DOK3: variants seen among roughly 807,000 people sequenced by gnomAD.
DOK3 encodes docking protein 3.
A neutral mutation model predicts 26.2 loss-of-function variants in DOK3; 23 were observed. The ratio of observed to expected loss-of-function variants is 0.88; its 90% CI spans 0.63 to 1.24. The LOEUF (loss-of-function observed/expected upper bound fraction) is 1.24, where lower values mean the gene tolerates loss of function less well. Ranked by LOEUF, DOK3 falls within the 50% of genes most tolerant of loss-of-function variation. DOK3 has a pLI of 0.00. For missense variants in DOK3, 619 were observed against 610.6 expected (o/e 1.01, Z -0.15); for synonymous variants, 268 against 268.2 (o/e 1.00, Z 0.01).
chr5:177,507,878 C>G (rs1418499602), intron 3 of DOK3, among the ~76,000 whole-genome samples: 1 of 152,190 alleles, frequency 6.6e-6, no homozygotes, highest in African/African-American at 2.4e-5. Flanking sequence ...TTCTTTCTGC[C>G]CTTAAACACC....
In DOK3 at chr5:177,503,146, T is replaced by G. The variant is rs768590873; in HGVS notation, c.*837A>C. 1.7e-5 allele frequency: 27 copies of G among 1,543,656 alleles called. No homozygotes were observed. The highest frequency in any genetic ancestry group is 2.3e-5 in the Non-Finnish European group (26 of 1,144,396). ...GACGCTTGCGTGCGTGGCTGGCTCC[T>G]AGGATGGCGCCAGGAGCAGGAGCAG... On this transcript the variant is annotated 3_prime_UTR_variant, in exon 6 of 6. Transcript: ENST00000510898.
Position 177,502,898 on chromosome 5 carries a change from C to T in DOK3, c.*1085G>A, listed in dbSNP as rs1759492652. 1.5e-6 allele frequency: 1 copy of T among 666,528 alleles called. No individual in the cohort carries two copies. Among genetic ancestry groups the T allele is most frequent in the East Asian group, 2.8e-5 (1 of 36,346 alleles). The allele number at this position is 666,528 out of a possible 1,614,324, so 41.3% of individuals were successfully genotyped here. ...GATGGTGGGCAGAGGCCTCGAAGAGCCAGAAAAGGGTCCCTGCAGGTCGAC... is the reference window on the plus strand; with the variant it reads ...GATGGTGGGCAGAGGCCTCGAAGAGTCAGAAAAGGGTCCCTGCAGGTCGAC... On this transcript the variant is annotated 3_prime_UTR_variant, in exon 6 of 6. Coordinates refer to ENST00000510898, the MANE Select transcript of DOK3 (RefSeq NM_001308236.3).
chr5:177,505,204 ATCCAGGGGCCTGGGC>A, intron 3 of DOK3, 94 bp from the exon 4 acceptor site: 1 of 1,163,468 alleles, frequency 8.6e-7, no homozygotes, highest in Non-Finnish European at 1.2e-6. Flanking sequence ...GCCAGGGGGC[ATCCAGGGGCCTGGGC>A]TCCAGTTCCA....
intron 4 of DOK3, 38 bp downstream of exon 4, chr5:177,504,973 G>C (rs376267773): frequency 2.2e-5 from 35 of 1,587,034 alleles, no homozygotes; most frequent in Admixed American, 1.8e-5. Context: ...CCCTGGGTGT[G>C]GGGGGCTGAG....
rs1760714201 is a variant in DOK3, at chr5:177,509,633, T to C, written c.-93A>G. On this transcript the variant is annotated 5_prime_UTR_variant, in exon 2 of 6. Transcript: ENST00000510898. ...TCCTCACACTTCCCCTTCTGGCCAC[T>C]TCCCGTCCCTCCGTCTAGAGACAGC... is the stretch of plus-strand genomic sequence containing the variant. 1.3e-6 allele frequency: 2 copies of C among 1,589,302 alleles called. No individual in the cohort carries two copies. Among genetic ancestry groups the C allele is most frequent in the Admixed American group, 3.4e-5 (2 of 58,396 alleles).
At chr5:177,505,239 G>T in intron 3 of DOK3, 129 bp from the exon 4 acceptor site, 1 of 810,822 alleles carries the variant, frequency 1.2e-6, no homozygotes, top group Non-Finnish European at 1.9e-6. Flanking sequence ...AGCTTTGCCC[G>T]GCTCGCTGCA....
At chr5:177,510,251 C>G (rs1361797418), upstream of DOK3, 2 of 288,922 alleles carry the variant, frequency 6.9e-6, no homozygotes, top group African/African-American at 4.3e-5. Flanking sequence ...CCCTCCAGGG[C>G]CCCCTCACCA....
rs761194507 is a variant in DOK3, at chr5:177,509,669, G to T, written c.-117-12C>A. Reference sequence around the variant, plus strand: ...CCGTCTAGAGACAGCTGCAGGCCGGGGGGAGGGGAGCCTGTCTTCAGCTCA... The same window carrying T: ...CCGTCTAGAGACAGCTGCAGGCCGGTGGGAGGGGAGCCTGTCTTCAGCTCA... On this transcript the variant is annotated splice_polypyrimidine_tract_variant and intron_variant, in intron 1 of 5. Transcript: ENST00000510898. 15 of 1,591,542 alleles carry T rather than the reference G, an allele frequency of 9.4e-6. No homozygotes were observed. The highest frequency in any genetic ancestry group is 5.4e-5 in the African/African-American group (4 of 74,546).
At chr5:177,505,959 C>A (rs563218276) in intron 3 of DOK3, among the ~76,000 whole-genome samples, 3 of 151,538 alleles carry the variant, frequency 2.0e-5, no homozygotes, top group Non-Finnish European at 4.4e-5. Flanking sequence ...AGGATGATCT[C>A]GATCTCCTGA....
At position 177,508,198 on chromosome 5, in the gene DOK3, G is replaced by A. The variant is rs1760465835; in HGVS notation, c.372+39C>T. The A allele has an allele frequency of 3.0e-6, 4 of 1,347,958 alleles. No individual in the cohort carries two copies. In the East Asian group the frequency reaches 8.3e-5, roughly 28 times the overall value. 83.5% of individuals were successfully genotyped at this position (1,347,958 alleles called of 1,614,324 possible). On this transcript the variant is annotated intron_variant, in intron 3 of 5. Transcript: ENST00000510898. Reference sequence around the variant, plus strand: ...GTGGAGGTGGACAAGTCGGGGGCAGGTGCCCCAGCCCAATCGCCCCCCTGC... The same window carrying A: ...GTGGAGGTGGACAAGTCGGGGGCAGATGCCCCAGCCCAATCGCCCCCCTGC...
Position 177,504,630 on chromosome 5 carries a change from A to C in DOK3, c.676T>G (p.Cys226Gly). 3.1e-6 allele frequency: 5 copies of C among 1,611,872 alleles called. No homozygotes were observed. The highest frequency in any genetic ancestry group is 4.2e-6 in the Non-Finnish European group (5 of 1,179,554). The part of the protein sequence containing the change: ...GVFSFEAGRR[C>G]HSGEGLFAFS... ...GCAAAGAGGCCCTCACCCGAGTGGC[A>C]GCGACGGCCGGCCTCAAAGGAGAAC... The change falls in exon 6 of 6, where the codon TGC becomes GGC. Residue 226 changes from cysteine to glycine, a missense_variant. By Grantham distance (159) the Cys-to-Gly change is radical. Coordinates refer to ENST00000510898, the MANE Select transcript of DOK3 (RefSeq NM_001308236.3).
At position 177,503,199 on chromosome 5, in the gene DOK3, AG is replaced by A; in HGVS notation, c.*783del. ...GAGGGAACGCAGCATGGAAGTCTTC[AG>A]GAAACTTCTCTCCCCCTGGAATGTC... On this transcript the variant is annotated 3_prime_UTR_variant, in exon 6 of 6. Coordinates refer to ENST00000510898, the MANE Select transcript of DOK3 (RefSeq NM_001308236.3). The A allele has an allele frequency of 6.4e-7, 1 of 1,551,718 alleles. No homozygotes were observed. The highest frequency in any genetic ancestry group is 2.4e-5 in the East Asian group (1 of 40,916).
rs369797339 is a variant in DOK3 at position 177,503,384 on chromosome 5, C to T, written c.*599G>A. The T allele has an allele frequency of 1.2e-4, 180 of 1,535,796 alleles. 3 individuals carry two copies. The East Asian group carries it at 2.5e-3, about 22-fold the overall frequency. ...TGAGGAGACTGACGCCTGGGGTTCC[C>T]AGAAGTATCTGCAAATTGTTGGAGT... On this transcript the variant is annotated 3_prime_UTR_variant, in exon 6 of 6. Transcript: ENST00000510898.
chr5:177,508,998 G>T (rs114422170), intron 2 of DOK3: 3 of 188,822 alleles, frequency 1.6e-5, no homozygotes, highest in Non-Finnish European at 3.3e-5. Context: ...GGAAACTGAC[G>T]GTTTATCTGC....
Position 177,508,237 on chromosome 5 carries a change from C to G in DOK3, c.372G>C (p.Pro124=), listed in dbSNP as rs376371500. 1 of 1,490,522 alleles carries G rather than the reference C, an allele frequency of 6.7e-7. No individual in the cohort carries two copies. Among genetic ancestry groups the G allele is most frequent in the Non-Finnish European group, 9.0e-7 (1 of 1,115,316 alleles). 92.3% of individuals were successfully genotyped at this position (1,490,522 alleles called of 1,614,324 possible). A position where few individuals can be genotyped will look rare whatever the true frequency, so the allele number is the denominator to read the frequency against. ...WMGPICQLAF[P]GTGEASSGST... ...TCGCCCCCCTGCTCGCCGCACTCAC[C>G]GGGAAGGCCAGCTGGCAGATGGGGC... The change falls in exon 3 of 6, where the codon CCG becomes CCC. Residue 124 remains proline (P), a splice_region_variant and synonymous_variant. Transcript: ENST00000510898.
At chr5:177,507,921 G>A (rs540295899) in intron 3 of DOK3, among the ~76,000 whole-genome samples, 1 of 152,086 alleles carries the variant, frequency 6.6e-6, no homozygotes, top group Non-Finnish European at 1.5e-5. Flanking sequence ...CTCTGCCCAC[G>A]GGACTCCCTC....
rs774219519 is a variant in DOK3 at position 177,504,765 on chromosome 5, AG to A, written c.622del (p.Leu208CysfsTer54). The A allele has an allele frequency of 1.2e-6, 2 of 1,614,020 alleles. No individual in the cohort carries two copies. Among genetic ancestry groups the A allele is most frequent in the Non-Finnish European group, 1.7e-6 (2 of 1,179,928 alleles). ...CACCTTGTCGGAGCCGAACTTGCGC[AG>A]GAAGTGGTAGGGCCAGCTGTAGAGG... ...QALYSWPYHF[L>X]RKFGSDKGVF... On this transcript the variant is annotated frameshift_variant, in exon 5 of 6. Transcript: ENST00000510898. LOFTEE classifies it low-confidence loss of function (END_TRUNC).
chr5:177,508,892 A>C, intron 2 of DOK3: 21 of 260,966 alleles, frequency 8.0e-5, no homozygotes, highest in East Asian at 2.1e-4. Context: ...CACCCCCAAA[A>C]AGGGGCACTT....
intron 2 of DOK3, 140 bp downstream of exon 2, chr5:177,509,335 C>G (rs1420226213): frequency 1.7e-6 from 2 of 1,153,298 alleles, no homozygotes; most frequent in African/African-American, 3.1e-5. Context: ...TTCCACTCCC[C>G]ATACCTGGGT....
Sources: gnomAD v4.1 joint callset for allele counts (sites outside exome capture counted in the v4.1 genomes callset) on GRCh38, gnomAD v4.1.1 for gene constraint, MANE v1.5 for transcripts, NCBI Gene and HGNC (gene_info 2026-07-23, HGNC 2026-07-21) for gene names.